The following METAP1D variants were observed in gnomAD, a reference collection of about 807,000 sequenced individuals.
METAP1D encodes the protein methionyl aminopeptidase type 1D, mitochondrial.
A neutral mutation model predicts 40.5 loss-of-function variants in METAP1D; 31 were observed. The ratio of observed to expected loss-of-function variants is 0.77; its 90% confidence interval spans 0.58 to 1.03. The LOEUF (loss-of-function observed/expected upper bound fraction) is 1.03. Ranked by LOEUF, METAP1D falls within the 50% of genes least tolerant of loss-of-function variation. The pLI, the probability that METAP1D is intolerant of heterozygous loss-of-function variation, is 0.00. For missense variants in METAP1D, 411 were observed against 420.7 expected, an observed-to-expected ratio of 0.98 and a Z score of 0.20; for synonymous variants, 151 against 146.4, an observed-to-expected ratio of 1.03 and a Z score of -0.22.
At position 172,079,117 on chromosome 2, in the gene METAP1D, C is replaced by T. The variant is rs78551149; in HGVS notation, c.803-98C>T. ...CTTCTCTAAAAGAAGAGAAATAAAA[C>T]GACCAAGTTTTTTAAAGGGGCCTGA... On this transcript the variant is annotated intron_variant, in intron 7 of 9. Coordinates refer to ENST00000315796, the MANE Select transcript of METAP1D (RefSeq NM_199227.3). The T allele has an allele frequency of 2.6e-3, 3,268 of 1,254,824 alleles. 76 individuals carry two copies. In the African/African-American group the frequency reaches 0.041, roughly 16 times the overall value. The allele number at this position is 1,254,824 out of a possible 1,614,324, so 77.7% of individuals were successfully genotyped here. A position where few individuals can be genotyped will look rare whatever the true frequency, so the allele number is the denominator to read the frequency against.
intron 1 of METAP1D, among the ~76,000 whole-genome samples, chr2:172,060,460 C>G (rs1056463964): frequency 9.9e-5 from 15 of 151,856 alleles, no homozygotes; most frequent in African/African-American, 3.6e-4. Context: ...ACCTCTAGCC[C>G]CAACCACAAG....
intron 1 of METAP1D, among the ~76,000 whole-genome samples, chr2:172,003,408 G>A (rs142869918): frequency 2.3e-3 from 348 of 152,288 alleles, no homozygotes; most frequent in African/African-American, 7.8e-3. Flanking sequence ...AATATGAAGA[G>A]GAACAAGGAA....
At chr2:172,037,427 G>A (rs1689422564) in intron 1 of METAP1D, among the ~76,000 whole-genome samples, 1 of 146,922 alleles carries the variant, frequency 6.8e-6, no homozygotes, top group Admixed American at 7.0e-5. Context: ...AAATAGTAAA[G>A]CTTTAAAAAA....
intron 1 of METAP1D, among the ~76,000 whole-genome samples, chr2:172,017,911 G>A (rs941744370): frequency 2.6e-5 from 4 of 151,842 alleles, no homozygotes; most frequent in Admixed American, 6.6e-5. Flanking sequence ...GGTGAATCAC[G>A]ATATCAGGAG....
At chr2:172,017,219 G>A (rs1358819455) in intron 1 of METAP1D, among the ~76,000 whole-genome samples, 1 of 139,342 alleles carries the variant, frequency 7.2e-6, no homozygotes, top group East Asian at 2.1e-4. Flanking sequence ...AGTCTGTCTT[G>A]TTCCATGAAA....
chr2:172,057,292 C>A (rs937890117), intron 1 of METAP1D, among the ~76,000 whole-genome samples: 2 of 151,950 alleles, frequency 1.3e-5, no homozygotes, highest in Non-Finnish European at 2.9e-5. Context: ...GTTATTATTA[C>A]TATTTATATT....
At chr2:172,060,753 G>A (rs1294656408) in intron 1 of METAP1D, among the ~76,000 whole-genome samples, 3 of 152,102 alleles carry the variant, frequency 2.0e-5, no homozygotes, top group African/African-American at 4.8e-5. Flanking sequence ...AAACATTTGA[G>A]TTGTTTCCCA....
chr2:172,042,634 T>C lies in METAP1D; in HGVS notation c.41-18864T>C, dbSNP rs1295874700. 9.4e-5 allele frequency among the ~76,000 whole-genome samples: 4 copies of C among 42,498 alleles called. 2 individuals are homozygous for C. Among genetic ancestry groups the C allele is most frequent in the Non-Finnish European group, 1.4e-4 (2 of 13,794 alleles). The allele number at this position is 42,498 out of a possible 152,430, so 27.9% of individuals were successfully genotyped here. A position where few individuals can be genotyped will look rare whatever the true frequency, so the allele number is the denominator to read the frequency against. ...ACATATATGTGTGTATGTGTACACA[T>C]ATACATATGTGTGTATGTGTATATG... On this transcript the variant is annotated intron_variant, in intron 1 of 9. Coordinates refer to ENST00000315796, the MANE Select transcript of METAP1D (RefSeq NM_199227.3).
chr2:172,082,374 G>A lies in METAP1D; in HGVS notation c.*1968G>A, dbSNP rs1483496095. On this transcript the variant is annotated 3_prime_UTR_variant, in exon 10 of 10. Coordinates refer to ENST00000315796, the MANE Select transcript of METAP1D (RefSeq NM_199227.3). Reference sequence around the variant, plus strand: ...CTGCTTGTGCAGCAATTATTTTGAGGTGGAGGTATTTATGGGACAAGTTTA... The same window carrying A: ...CTGCTTGTGCAGCAATTATTTTGAGATGGAGGTATTTATGGGACAAGTTTA... 6.6e-6 allele frequency: 1 copy of A among 152,242 alleles called. No individual in the cohort carries two copies. The allele number at this position is 152,242 out of a possible 1,614,324, so 9.4% of individuals were successfully genotyped here. A position where few individuals can be genotyped will look rare whatever the true frequency, so the allele number is the denominator to read the frequency against.
At chr2:172,000,841 A>C (rs1285045528) in intron 1 of METAP1D, among the ~76,000 whole-genome samples, 3 of 152,142 alleles carry the variant, frequency 2.0e-5, no homozygotes, top group Non-Finnish European at 1.5e-5. Flanking sequence ...CTCTACAAAA[A>C]ATTTTAAAAA....
intron 5 of METAP1D, 36 bp from the exon 6 acceptor site, chr2:172,070,871 A>G: frequency 6.5e-7 from 1 of 1,541,754 alleles, no homozygotes; most frequent in Non-Finnish European, 8.8e-7. Context: ...AGATTTTTAA[A>G]CAAGGACATA....
chr2:172,005,520 TTATATA>T (rs34982215), intron 1 of METAP1D, among the ~76,000 whole-genome samples: 10 of 110,950 alleles, frequency 9.0e-5, no homozygotes, highest in African/African-American at 2.8e-4. Context: ...TGTCTGTATT[TTATATA>T]TATATATATA....
At chr2:172,070,232 G>C (rs997402303) in intron 5 of METAP1D, among the ~76,000 whole-genome samples, 1 of 152,094 alleles carries the variant, frequency 6.6e-6, no homozygotes, top group African/African-American at 2.4e-5. Context: ...TTTTAAGCTT[G>C]TTTTATTATA....
chr2:172,036,042 G>GCATGATGGTT (rs1480920286), intron 1 of METAP1D, among the ~76,000 whole-genome samples: 1 of 151,952 alleles, frequency 6.6e-6, no homozygotes, highest in Non-Finnish European at 1.5e-5. Flanking sequence ...TTATGGCTGG[G>GCATGATGGTT]CATGATGGTT....
rs377683788 is a variant in METAP1D, at chr2:172,070,497, A to G, written c.541-410A>G. ...TAAATACAAAATCAAGTAAGTCTTC[A>G]TGACATTGAAGAAACTTTTCACTAT... On this transcript the variant is annotated intron_variant, in intron 5 of 9. Coordinates refer to ENST00000315796, the MANE Select transcript of METAP1D (RefSeq NM_199227.3). 3.9e-4 allele frequency among the ~76,000 whole-genome samples: 60 copies of G among 152,330 alleles called. 2 individuals are homozygous for G. The highest frequency in any genetic ancestry group is 1.4e-3 in the African/African-American group (59 of 41,588).
At chr2:172,049,367 T>G (rs1000695464) in intron 1 of METAP1D, among the ~76,000 whole-genome samples, 2 of 149,904 alleles carry the variant, frequency 1.3e-5, no homozygotes, top group Non-Finnish European at 3.0e-5. Context: ...AAATGTTTAT[T>G]TATATTTATG....
intron 1 of METAP1D, among the ~76,000 whole-genome samples, chr2:172,002,540 C>A (rs550190490): frequency 2.6e-5 from 4 of 152,120 alleles, no homozygotes; most frequent in African/African-American, 9.6e-5. Context: ...CCCACTGTAT[C>A]CCAAAGTGTT....
chr2:172,018,190 G>A (rs757649293), intron 1 of METAP1D, among the ~76,000 whole-genome samples: 2 of 150,300 alleles, frequency 1.3e-5, no homozygotes, highest in Non-Finnish European at 3.0e-5. Context: ...AATATGACAC[G>A]TATAAGGGCA....
chr2:172,025,521 G>A (rs1454430543), intron 1 of METAP1D, among the ~76,000 whole-genome samples: 3 of 151,978 alleles, frequency 2.0e-5, no homozygotes, highest in African/African-American at 7.3e-5. Context: ...GTAGAGATGG[G>A]GTATCGCCAT....
Sources: gnomAD v4.1 joint callset for allele counts (sites outside exome capture counted in the v4.1 genomes callset) on GRCh38, gnomAD v4.1.1 for gene constraint, MANE v1.5 for transcripts, NCBI Gene and HGNC (gene_info 2026-07-23, HGNC 2026-07-21) for gene names.